The following NBPF3 variants were observed in gnomAD, a reference collection of about 807,000 sequenced individuals.
The protein encoded by NBPF3 is NBPF family member NBPF3.
A neutral mutation model predicts 78.1 loss-of-function variants in NBPF3; 57 were observed. The observed-to-expected ratio is 0.73, with a 90% confidence interval of 0.59 to 0.91. The LOEUF is 0.91. Ranked by LOEUF, NBPF3 falls within the 40% of genes least tolerant of loss-of-function variation. The pLI is 0.00. For missense variants in NBPF3, 510 were observed against 715.3 expected (o/e 0.71, Z 3.27); for synonymous variants, 182 against 271.7 (o/e 0.67, Z 3.25).
At chr1:21,471,833 A>G in intron 5 of NBPF3, 50 bp downstream of exon 5, 1 of 1,595,648 alleles carries the variant, frequency 6.3e-7, no homozygotes. Flanking sequence ...CTTATGAGAG[A>G]CTTCAGACCT....
In NBPF3 at chr1:21,440,167, A is replaced by C. The variant is rs1273415734; in HGVS notation, c.-321A>C. The C allele has an allele frequency of 6.6e-6, 1 of 152,338 alleles. No homozygotes were observed. The highest frequency in any genetic ancestry group is 2.1e-4 in the South Asian group (1 of 4,846). 9.4% of individuals were successfully genotyped at this position (152,338 alleles called of 1,614,324 possible). A position where few individuals can be genotyped will look rare whatever the true frequency, so the allele number is the denominator to read the frequency against. ...CGAGGGGTTGGGTGGCGGTTGAGACAGCGGCGGTACTGGGATGGGTAGGTG... is the reference window on the plus strand; with the variant it reads ...CGAGGGGTTGGGTGGCGGTTGAGACCGCGGCGGTACTGGGATGGGTAGGTG... On this transcript the variant is annotated 5_prime_UTR_variant, in exon 1 of 15. Coordinates refer to ENST00000318249, the MANE Select transcript of NBPF3 (RefSeq NM_032264.6).
At chr1:21,442,152 C>CT (rs1318364629) in intron 1 of NBPF3, 3 of 152,174 alleles carry the variant, frequency 2.0e-5, no homozygotes, top group Non-Finnish European at 4.4e-5. Flanking sequence ...TTGCATTTCC[C>CT]TTTTTTCAAT....
chr1:21,447,077 G>A (rs1248582345), intron 2 of NBPF3, among the ~76,000 whole-genome samples: 1 of 152,222 alleles, frequency 6.6e-6, no homozygotes, highest in East Asian at 1.9e-4. Context: ...ATATGGGGCT[G>A]CTGCATCCTA....
Position 21,445,100 on chromosome 1 carries a change from C to T in NBPF3, c.14C>T (p.Pro5Leu). ...TCCACACTGGGGATGCCACTGACTC[C>T]CACTGTCCAGGGCTTCCAGTGGACT... is the stretch of plus-strand genomic sequence containing the variant. MPLT[P>L]TVQGFQWTLR... Residue 5 changes from proline (P) to leucine (L), a missense_variant, in exon 2 of 15, where the codon CCC (proline) becomes CTC (leucine). By Grantham distance (98) the Pro-to-Leu change is moderately conservative. Coordinates refer to ENST00000318249, the MANE Select transcript of NBPF3 (RefSeq NM_032264.6). The T allele has an allele frequency of 6.2e-7, 1 of 1,611,572 alleles. No homozygotes were observed. Among genetic ancestry groups the T allele is most frequent in the Non-Finnish European group, 8.5e-7 (1 of 1,179,616 alleles).
intron 2 of NBPF3, among the ~76,000 whole-genome samples, chr1:21,456,856 A>G (rs1007903994): frequency 4.6e-5 from 7 of 152,228 alleles, no homozygotes; most frequent in Admixed American, 4.6e-4. Flanking sequence ...TATACTAGAG[A>G]TCTAAATCAG....
chr1:21,446,858 G>A (rs1482913702), intron 2 of NBPF3, among the ~76,000 whole-genome samples: 1 of 151,994 alleles, frequency 6.6e-6, no homozygotes, highest in Non-Finnish European at 1.5e-5. Context: ...CCACCCAGAT[G>A]GTTTTTACCT....
upstream of NBPF3, among the ~76,000 whole-genome samples, chr1:21,439,226 C>T (rs968058530): frequency 6.6e-6 from 1 of 152,210 alleles, no homozygotes; most frequent in Non-Finnish European, 1.5e-5. Context: ...TTGCAGTGAG[C>T]TGAGATTGTG....
intron 2 of NBPF3, among the ~76,000 whole-genome samples, chr1:21,450,778 A>G (rs900554317): frequency 1.3e-5 from 2 of 152,212 alleles, no homozygotes; most frequent in Non-Finnish European, 1.5e-5. Context: ...TCCACAAAGT[A>G]CAGGTCTTTG....
chr1:21,482,227 C>G (rs1215455815), intron 13 of NBPF3, among the ~76,000 whole-genome samples: 3 of 148,514 alleles, frequency 2.0e-5, no homozygotes, highest in Admixed American at 6.7e-5. Flanking sequence ...TATGGCATAA[C>G]CGTTTGCACA....
intron 2 of NBPF3, among the ~76,000 whole-genome samples, chr1:21,456,599 C>T (rs535733574): frequency 2.6e-5 from 4 of 151,498 alleles, no homozygotes; most frequent in Non-Finnish European, 5.9e-5. Flanking sequence ...AGAGAAAAAC[C>T]GTATGATTAC....
intron 2 of NBPF3, among the ~76,000 whole-genome samples, chr1:21,457,398 A>ATATATATGCATGTG (rs1558484919): frequency 1.7e-4 from 25 of 148,038 alleles, no homozygotes; most frequent in Non-Finnish European, 3.3e-4. Context: ...ATATGTATGT[A>ATATATATGCATGTG]TATATATGCA....
chr1:21,470,919 G>GT (rs1642553207), intron 4 of NBPF3, among the ~76,000 whole-genome samples, 185 bp downstream of exon 4: 1 of 152,166 alleles, frequency 6.6e-6, no homozygotes, highest in Non-Finnish European at 1.5e-5. Flanking sequence ...ATGGGTTGCA[G>GT]TTGTTTTTCA....
intron 3 of NBPF3, 47 bp from the exon 4 acceptor site, chr1:21,470,585 A>G: frequency 6.8e-7 from 1 of 1,463,816 alleles, no homozygotes; most frequent in Non-Finnish European, 9.5e-7. Flanking sequence ...TGACCAGAGC[A>G]GCATGTCCAG....
intron 6 of NBPF3, 127 bp from the exon 7 acceptor site, chr1:21,473,252 AG>A: frequency 8.6e-7 from 1 of 1,166,920 alleles, no homozygotes; most frequent in South Asian, 1.3e-5. Context: ...TCCCTCTTAA[AG>A]GGATCCTCCT....
chr1:21,483,142 G>C lies in NBPF3; in HGVS notation c.1659-1G>C, dbSNP rs761964952. On this transcript the variant is annotated splice_acceptor_variant, in intron 14 of 14. Coordinates refer to ENST00000318249, the MANE Select transcript of NBPF3 (RefSeq NM_032264.6). LOFTEE classifies it high-confidence loss of function. Reference sequence around the variant, plus strand: ...TTCTTTAGTTTTGTCTCCTTTTCCAGGCTCAACGAGGTGCTGATGGAAGCA... The same window carrying C: ...TTCTTTAGTTTTGTCTCCTTTTCCACGCTCAACGAGGTGCTGATGGAAGCA... The C allele has an allele frequency of 1.7e-5, 27 of 1,611,644 alleles. No homozygotes were observed. In the Admixed American group the frequency reaches 2.0e-4, roughly 12 times the overall value.
chr1:21,473,825 G>A (rs1642742832), intron 7 of NBPF3, among the ~76,000 whole-genome samples: 1 of 152,208 alleles, frequency 6.6e-6, no homozygotes, highest in South Asian at 2.1e-4. Context: ...GAGTGCAGGA[G>A]GTACACAGGA....
At position 21,441,706 on chromosome 1, in the gene NBPF3, C is replaced by CAA. The variant is rs772118033; in HGVS notation, c.-140+1376_-140+1377dup. ...TGGATGGCAGAGTGAGAGCCTATCT[C>CAA]AAAAAAAAAAAAAAAAAAAGTAATG... On this transcript the variant is annotated intron_variant, in intron 1 of 14. Transcript: ENST00000318249. 5.5e-4 allele frequency among the ~76,000 whole-genome samples: 42 copies of CAA among 76,902 alleles called. 1 individual carries two copies. Among genetic ancestry groups the CAA allele is most frequent in the African/African-American group, 1.6e-3 (36 of 22,996 alleles). 50.5% of individuals were successfully genotyped at this position (76,902 alleles called of 152,430 possible). A position where few individuals can be genotyped will look rare whatever the true frequency, so the allele number is the denominator to read the frequency against.
At chr1:21,470,802 A>C (rs543635152) in intron 4 of NBPF3, 68 bp downstream of exon 4, 122 of 1,057,840 alleles carry the variant, frequency 1.2e-4, no homozygotes, top group South Asian at 9.1e-4. Context: ...GCAGCTCGGC[A>C]GGGAGAACTA....
chr1:21,477,975 C>A, intron 8 of NBPF3, 169 bp from the exon 9 acceptor site: 1 of 1,457,854 alleles, frequency 6.9e-7, no homozygotes, highest in Non-Finnish European at 9.3e-7. Flanking sequence ...TCAGAGCAGT[C>A]ACCCTCCAGC....
Sources: gnomAD v4.1 joint callset for allele counts (sites outside exome capture counted in the v4.1 genomes callset) on GRCh38, gnomAD v4.1.1 for gene constraint, MANE v1.5 for transcripts, NCBI Gene and HGNC (gene_info 2026-07-23, HGNC 2026-07-21) for gene names.